Variants in PHF24 observed in about 807,000 individuals in gnomAD.
The protein encoded by PHF24 is PHD finger protein 24, also known as Galpha inhibitory interacting protein.
Under a neutral mutation model 42.6 loss-of-function variants are expected in PHF24, and 25 were observed. The observed-to-expected ratio is 0.59, with a 90% CI of 0.43 to 0.82. The LOEUF (loss-of-function observed/expected upper bound fraction) is 0.82. Among genes scored for constraint, PHF24 ranks in the 40% least tolerant of loss-of-function variants. PHF24 has a pLI of 0.00. For synonymous variants in PHF24, 185 were observed against 204.8 expected, an observed-to-expected ratio of 0.90 and a Z score of 0.83; for missense variants, 470 against 538.1, an observed-to-expected ratio of 0.87 and a Z score of 1.25.
chr9:34,867,997 T>C, the PHF24 span, among the ~76,000 whole-genome samples: 1 of 152,218 alleles, frequency 6.6e-6, no homozygotes, highest in African/African-American at 2.4e-5. Flanking sequence ...TTGATTTTGG[T>C]AGTGATGGTC....
chr9:34,719,465 G>A, the PHF24 span, among the ~76,000 whole-genome samples: 9 of 152,328 alleles, frequency 5.9e-5, no homozygotes, highest in African/African-American at 2.2e-4. Flanking sequence ...AGCTTCATCT[G>A]CCATCAGCAT....
chr9:34,931,834 A>G, the PHF24 span, among the ~76,000 whole-genome samples: 1 of 152,320 alleles, frequency 6.6e-6, no homozygotes, highest in East Asian at 1.9e-4. Context: ...TAACAAACAC[A>G]CTAGGCAAGA....
chr9:34,951,108 A>G, the PHF24 span, among the ~76,000 whole-genome samples: 1 of 152,244 alleles, frequency 6.6e-6, no homozygotes, highest in Non-Finnish European at 1.5e-5. Context: ...CCGCAAACAT[A>G]GTACAATACA....
chr9:34,831,428 G>A, the PHF24 span, among the ~76,000 whole-genome samples: 81 of 152,264 alleles, frequency 5.3e-4, no homozygotes, highest in African/African-American at 1.9e-3. Flanking sequence ...CAAGCTGCTG[G>A]CAGTAACTTG....
At chr9:34,942,939 T>C in the PHF24 span, among the ~76,000 whole-genome samples, 14 of 152,074 alleles carry the variant, frequency 9.2e-5, no homozygotes, top group Non-Finnish European at 1.6e-4. Flanking sequence ...ACATGGTACA[T>C]GTATACCTAT....
the PHF24 span, among the ~76,000 whole-genome samples, chr9:34,871,239 C>T: frequency 6.6e-6 from 1 of 152,172 alleles, no homozygotes; most frequent in African/African-American, 2.4e-5. Context: ...ATCTGTATAC[C>T]TTCTTTGGTG....
chr9:34,975,923 G>A (rs1158910091), intron 3 of PHF24, among the ~76,000 whole-genome samples: 1 of 152,030 alleles, frequency 6.6e-6, no homozygotes, highest in Non-Finnish European at 1.5e-5. Context: ...ACTCAGTGCT[G>A]GAGTCAGGAT....
chr9:34,877,695 A>G, the PHF24 span, among the ~76,000 whole-genome samples: 1 of 152,092 alleles, frequency 6.6e-6, no homozygotes, highest in Non-Finnish European at 1.5e-5. Context: ...ATTTGGGGGA[A>G]GGGAGAGAGG....
At chr9:34,977,965 C>T (rs752854302) in intron 7 of PHF24, 50 bp from the exon 8 acceptor site, 3 of 1,402,956 alleles carry the variant, frequency 2.1e-6, no homozygotes, top group Non-Finnish European at 3.0e-6. Context: ...GATCAGGGCT[C>T]ACGTGTCTTC....
the PHF24 span, among the ~76,000 whole-genome samples, chr9:34,874,082 A>C: frequency 6.6e-6 from 1 of 152,170 alleles, no homozygotes; most frequent in Non-Finnish European, 1.5e-5. Flanking sequence ...TTATCAGCTT[A>C]AGGAGATTTT....
At chr9:34,820,027 C>T in the PHF24 span, among the ~76,000 whole-genome samples, 1 of 151,768 alleles carries the variant, frequency 6.6e-6, no homozygotes, top group African/African-American at 2.4e-5. Flanking sequence ...GAACCTGTTA[C>T]CATTCTGAAA....
chr9:34,913,900 GAGA>G, the PHF24 span, among the ~76,000 whole-genome samples: 1 of 152,164 alleles, frequency 6.6e-6, no homozygotes, highest in African/African-American at 2.4e-5. Flanking sequence ...CCTTTTGTGG[GAGA>G]AGGAGTGTTA....
At chr9:34,808,381 G>T in the PHF24 span, among the ~76,000 whole-genome samples, 7 of 152,264 alleles carry the variant, frequency 4.6e-5, no homozygotes, top group African/African-American at 1.7e-4. Context: ...AGGATTGCTT[G>T]AGCCCAGGAG....
chr9:34,740,345 C>G, the PHF24 span, among the ~76,000 whole-genome samples: 1 of 152,362 alleles, frequency 6.6e-6, no homozygotes, highest in South Asian at 2.1e-4. Flanking sequence ...GTGGGAGGCT[C>G]AGGCATGGCG....
At chr9:34,687,485 C>T in the PHF24 span, among the ~76,000 whole-genome samples, 6 of 152,128 alleles carry the variant, frequency 3.9e-5, no homozygotes, top group Middle Eastern at 3.4e-3. Flanking sequence ...AGGAACTTGC[C>T]CAGAGTCACA....
chr9:34,870,097 A>C, the PHF24 span, among the ~76,000 whole-genome samples: 1 of 152,080 alleles, frequency 6.6e-6, no homozygotes, highest in African/African-American at 2.4e-5. Flanking sequence ...CAGTAAAATT[A>C]AGTGGAAAGT....
chr9:34,780,935 T>C, the PHF24 span, among the ~76,000 whole-genome samples: 2 of 152,198 alleles, frequency 1.3e-5, no homozygotes, highest in East Asian at 1.9e-4. Context: ...GAGATACCAC[T>C]ATCACATATA....
At chr9:34,888,049 C>T in the PHF24 span, among the ~76,000 whole-genome samples, 2 of 152,038 alleles carry the variant, frequency 1.3e-5, no homozygotes, top group African/African-American at 2.4e-5. Context: ...TTCTCTGACA[C>T]GGCATGCTGT....
At chr9:34,803,650 C>T in the PHF24 span, among the ~76,000 whole-genome samples, 10 of 152,290 alleles carry the variant, frequency 6.6e-5, no homozygotes, top group Admixed American at 2.6e-4. Flanking sequence ...ATATTCTAAG[C>T]GCCTTCCTTG....
Sources: gnomAD v4.1 joint callset for allele counts (sites outside exome capture counted in the v4.1 genomes callset) on GRCh38, gnomAD v4.1.1 for gene constraint, MANE v1.5 for transcripts, NCBI Gene and HGNC (gene_info 2026-07-23, HGNC 2026-07-21) for gene names.